The following SULF2 variants were observed in gnomAD, a reference collection of about 807,000 sequenced individuals.
The protein encoded by SULF2 is sulfatase 2, also known as extracellular sulfatase Sulf-2.
SULF2 carries 52 observed loss-of-function variants against 107.7 expected under a neutral mutation model. The observed-to-expected ratio is 0.48, with a 90% confidence interval of 0.39 to 0.61. The LOEUF (loss-of-function observed/expected upper bound fraction) is 0.61. Ranked by LOEUF, SULF2 falls within the 20% of genes least tolerant of loss-of-function variation. The pLI, the probability that SULF2 is intolerant of heterozygous loss-of-function variation, is 0.00. For synonymous variants in SULF2, 460 were observed against 464.3 expected, an observed-to-expected ratio of 0.99 and a Z score of 0.12; for missense variants, 993 against 1,177.3, an observed-to-expected ratio of 0.84 and a Z score of 2.29.
chr20:47,665,962 G>A lies in SULF2; in HGVS notation c.1806-9C>T. The stretch of plus-strand genomic sequence containing the variant: ...TCTCTAGGATGTAGCACCTGCTTGA[G>A]AGAAGGGATCACGTGTGGCTCGGAG... On this transcript the variant is annotated splice_polypyrimidine_tract_variant and intron_variant, in intron 12 of 20. Transcript: ENST00000688720. The A allele has an allele frequency of 6.2e-7, 1 of 1,613,460 alleles. No individual in the cohort carries two copies. The highest frequency in any genetic ancestry group is 8.5e-7 in the Non-Finnish European group (1 of 1,179,384).
chr20:47,720,729 C>T (rs2089270991), intron 3 of SULF2, among the ~76,000 whole-genome samples: 2 of 152,060 alleles, frequency 1.3e-5, no homozygotes, highest in African/African-American at 4.8e-5. Context: ...AGAAACTGAG[C>T]TGGTTCAGGC....
intron 1 of SULF2, among the ~76,000 whole-genome samples, chr20:47,770,578 A>C (rs2090611312): frequency 6.6e-6 from 1 of 152,202 alleles, no homozygotes; most frequent in Non-Finnish European, 1.5e-5. Context: ...CTGTGTAACA[A>C]TTTACCGCAA....
At chr20:47,667,238 G>A (rs189466686) in intron 11 of SULF2, among the ~76,000 whole-genome samples, 71 of 152,306 alleles carry the variant, frequency 4.7e-4, no homozygotes, top group Non-Finnish European at 8.2e-4. Context: ...GGGTAGAAAT[G>A]GACGGGGACT....
Position 47,745,388 on chromosome 20 carries a change from A to G in SULF2, c.176-8446T>C, listed in dbSNP as rs2089983570. Reference sequence around the variant, plus strand: ...GTTGTTCTGAGTTTTGAGGGAAAAAAAAAAAAAAAAAAAAAAAAAAAAATA... The same window carrying G: ...GTTGTTCTGAGTTTTGAGGGAAAAAGAAAAAAAAAAAAAAAAAAAAAAATA... On this transcript the variant is annotated intron_variant, in intron 2 of 20. Coordinates refer to ENST00000688720, the MANE Select transcript of SULF2 (RefSeq NM_001387048.1). Among the ~76,000 whole-genome samples the G allele has an allele frequency of 6.8e-4, 6 of 8,870 alleles. 2 individuals carry two copies. Among genetic ancestry groups the G allele is most frequent in the Admixed American group, 3.8e-3 (2 of 524 alleles). 5.8% of individuals were successfully genotyped at this position (8,870 alleles called of 152,430 possible). A position where few individuals can be genotyped will look rare whatever the true frequency, so the allele number is the denominator to read the frequency against.
At chr20:47,786,240 C>T (rs1291053470), upstream of SULF2, 1 of 152,236 alleles carries the variant, frequency 6.6e-6, no homozygotes, top group African/African-American at 2.4e-5. Flanking sequence ...TCGATCAGGT[C>T]CACTTGGCTG....
chr20:47,753,853 A>T (rs1338549270), intron 2 of SULF2, among the ~76,000 whole-genome samples: 1 of 152,194 alleles, frequency 6.6e-6, no homozygotes, highest in Admixed American at 6.5e-5. Context: ...GCCTCCCTGA[A>T]CAAAGGACGT....
chr20:47,767,923 A>AAT (rs1555862970), intron 1 of SULF2, among the ~76,000 whole-genome samples: 7 of 148,696 alleles, frequency 4.7e-5, no homozygotes, highest in Non-Finnish European at 8.9e-5. Flanking sequence ...AAAAAAAAAA[A>AAT]ATATTGGGGG....
At chr20:47,766,964 A>G (rs2090539653) in intron 1 of SULF2, among the ~76,000 whole-genome samples, 1 of 149,412 alleles carries the variant, frequency 6.7e-6, no homozygotes, top group African/African-American at 2.4e-5. Flanking sequence ...AAAAAAAAAG[A>G]ACAGACAAAA....
intron 1 of SULF2, among the ~76,000 whole-genome samples, chr20:47,766,651 G>C (rs1006240156): frequency 2.6e-5 from 4 of 152,238 alleles, no homozygotes; most frequent in African/African-American, 9.6e-5. Flanking sequence ...CCTCCTGGAA[G>C]TGATACTCTA....
At chr20:47,750,068 G>A (rs956871621) in intron 2 of SULF2, among the ~76,000 whole-genome samples, 3 of 152,188 alleles carry the variant, frequency 2.0e-5, no homozygotes, top group Non-Finnish European at 4.4e-5. Context: ...TGCAACCTCC[G>A]CCTCCTGGGT....
intron 5 of SULF2, among the ~76,000 whole-genome samples, chr20:47,686,702 A>G (rs766063478): frequency 2.6e-5 from 4 of 152,322 alleles, no homozygotes; most frequent in Non-Finnish European, 5.9e-5. Flanking sequence ...CGGGGCAGAA[A>G]TTGTGACGCT....
At chr20:47,662,455 ATTATT>A (rs2087108716) in intron 17 of SULF2, among the ~76,000 whole-genome samples, 1 of 152,238 alleles carries the variant, frequency 6.6e-6, no homozygotes, top group Admixed American at 6.5e-5. Context: ...TTTCATTTAA[ATTATT>A]TCAGGCTTTT....
chr20:47,758,298 A>T (rs1211510287), intron 1 of SULF2, among the ~76,000 whole-genome samples: 4 of 150,482 alleles, frequency 2.7e-5, no homozygotes, highest in African/African-American at 9.8e-5. Flanking sequence ...GCCTCTAGAG[A>T]AGCTGGGATT....
intron 3 of SULF2, among the ~76,000 whole-genome samples, chr20:47,731,187 C>CTTTTTTTTTTTTTTTTTTTTT (rs71183273): frequency 3.7e-5 from 3 of 81,166 alleles, no homozygotes; most frequent in East Asian, 3.3e-4. Context: ...TGTATCTTCT[C>CTTTTTTTTTTTTTTTTTTTTT]TTTTTTTTTT....
At chr20:47,701,269 G>C (rs1292278668) in intron 4 of SULF2, among the ~76,000 whole-genome samples, 1 of 152,208 alleles carries the variant, frequency 6.6e-6, no homozygotes, top group South Asian at 2.1e-4. Context: ...TCCCCAGGGT[G>C]GGGGGTCATG....
chr20:47,773,421 G>C (rs536614159), intron 1 of SULF2, among the ~76,000 whole-genome samples: 6 of 152,364 alleles, frequency 3.9e-5, no homozygotes, highest in African/African-American at 1.4e-4. Context: ...TGCTTTCTAT[G>C]AACGGAGGAA....
At chr20:47,730,853 T>C (rs982860851) in intron 3 of SULF2, among the ~76,000 whole-genome samples, 2 of 152,186 alleles carry the variant, frequency 1.3e-5, no homozygotes, top group African/African-American at 4.8e-5. Context: ...CAGCCCTTGA[T>C]TTCTACCTGG....
intron 2 of SULF2, among the ~76,000 whole-genome samples, chr20:47,738,880 A>T (rs976030760): frequency 6.6e-5 from 10 of 152,226 alleles, no homozygotes; most frequent in African/African-American, 2.4e-4. Context: ...AATTGAGGCT[A>T]CTGAAATGAG....
chr20:47,696,939 G>A (rs1358633356), intron 4 of SULF2, among the ~76,000 whole-genome samples: 1 of 152,178 alleles, frequency 6.6e-6, no homozygotes, highest in African/African-American at 2.4e-5. Context: ...GCTACAACCA[G>A]CTGCTCCATC....
Sources: gnomAD v4.1 joint callset for allele counts (sites outside exome capture counted in the v4.1 genomes callset) on GRCh38, gnomAD v4.1.1 for gene constraint, MANE v1.5 for transcripts, NCBI Gene and HGNC (gene_info 2026-07-23, HGNC 2026-07-21) for gene names.